The following LIMA1 variants were observed in gnomAD, a reference collection of about 807,000 sequenced individuals.
The protein encoded by LIMA1 is LIM domain and actin-binding protein 1.
A neutral mutation model predicts 62.6 loss-of-function variants in LIMA1; 52 were observed. The ratio of observed to expected loss-of-function variants is 0.83; its 90% CI spans 0.67 to 1.05. LIMA1 has a LOEUF of 1.05. Ranked by LOEUF, LIMA1 falls within the 50% of genes least tolerant of loss-of-function variation. The pLI, the probability that LIMA1 is intolerant of heterozygous loss-of-function variation, is 0.00. For missense variants in LIMA1, 780 were observed against 902.2 expected (o/e 0.86, Z 1.74); for synonymous variants, 302 against 317.8 (o/e 0.95, Z 0.53).
At chr12:50,236,862 G>A (rs887993582) in intron 2 of LIMA1, among the ~76,000 whole-genome samples, 1 of 152,142 alleles carries the variant, frequency 6.6e-6, no homozygotes, top group Non-Finnish European at 1.5e-5. Context: ...AGGATTGCTT[G>A]AGGTCAGGAG....
chr12:50,229,129 G>T (rs1941572846), intron 3 of LIMA1, among the ~76,000 whole-genome samples: 1 of 152,072 alleles, frequency 6.6e-6, no homozygotes, highest in South Asian at 2.1e-4. Context: ...ATTATACCTG[G>T]CCTAAATCAT....
chr12:50,241,657 G>A (rs988560954), intron 2 of LIMA1, among the ~76,000 whole-genome samples: 4 of 151,900 alleles, frequency 2.6e-5, no homozygotes, highest in Admixed American at 6.6e-5. Context: ...ATAACAGGGA[G>A]AAAGGCTCTA....
intron 4 of LIMA1, among the ~76,000 whole-genome samples, chr12:50,212,228 A>T (rs1266638145): frequency 6.6e-6 from 1 of 152,210 alleles, no homozygotes; most frequent in Non-Finnish European, 1.5e-5. Flanking sequence ...ATTATCTTTA[A>T]AAGCTGATTC....
intron 4 of LIMA1, among the ~76,000 whole-genome samples, chr12:50,208,796 C>T (rs1198705097): frequency 6.6e-6 from 1 of 151,436 alleles, no homozygotes; most frequent in Admixed American, 6.6e-5. Flanking sequence ...TCCTTTGAGC[C>T]TAGGAGTTCA....
intron 6 of LIMA1, among the ~76,000 whole-genome samples, chr12:50,203,160 C>G (rs796212657): frequency 3.3e-5 from 5 of 151,482 alleles, no homozygotes; most frequent in African/African-American, 9.7e-5. Flanking sequence ...CAGGTGTGTG[C>G]CACTACACCT....
intron 10 of LIMA1, among the ~76,000 whole-genome samples, chr12:50,180,258 C>G (rs1432030784): frequency 8.6e-5 from 13 of 151,648 alleles, no homozygotes; most frequent in Admixed American, 8.5e-4. Context: ...TGACATCATC[C>G]CACTGCACTC....
At chr12:50,249,793 A>G (rs1941903190) in intron 1 of LIMA1, 1 of 152,212 alleles carries the variant, frequency 6.6e-6, no homozygotes, top group Admixed American at 6.5e-5. Flanking sequence ...AAAACTAAAA[A>G]AAAATAATAA....
intron 1 of LIMA1, among the ~76,000 whole-genome samples, chr12:50,253,701 T>C (rs187641511): frequency 6.6e-6 from 1 of 152,294 alleles, no homozygotes; most frequent in East Asian, 1.9e-4. Flanking sequence ...CCCTCCATTG[T>C]AGTAACTGGC....
intron 1 of LIMA1, among the ~76,000 whole-genome samples, chr12:50,256,050 C>T (rs763088049): frequency 4.0e-5 from 6 of 151,888 alleles, no homozygotes; most frequent in East Asian, 1.9e-4. Context: ...CCACCACACT[C>T]GGCTAATTTT....
chr12:50,244,461 A>G (rs1941820587), intron 2 of LIMA1, among the ~76,000 whole-genome samples: 1 of 149,928 alleles, frequency 6.7e-6, no homozygotes, highest in Non-Finnish European at 1.5e-5. Flanking sequence ...CTTGTCTTGA[A>G]CTCCTGACCT....
In LIMA1 at chr12:50,222,319, T is replaced by TG; in HGVS notation, c.331dup (p.His111ProfsTer9). ...GTCAGCTTTGGCTCCAGAAGCAGCGTGGCTTGTCACTTCAGCAGGAGGATG... is the reference window on the plus strand; with the variant it reads ...GTCAGCTTTGGCTCCAGAAGCAGCGTGGGCTTGTCACTTCAGCAGGAGGATG... On this transcript the variant is annotated frameshift_variant, in exon 4 of 11. Transcript: ENST00000341247. LOFTEE classifies it high-confidence loss of function. 6.2e-7 allele frequency: 1 copy of TG among 1,614,154 alleles called. No homozygotes were observed. The highest frequency in any genetic ancestry group is 8.5e-7 in the Non-Finnish European group (1 of 1,180,028).
intron 2 of LIMA1, among the ~76,000 whole-genome samples, chr12:50,233,515 A>G (rs774993030): frequency 2.0e-5 from 3 of 152,126 alleles, no homozygotes; most frequent in Non-Finnish European, 2.9e-5. Flanking sequence ...AAAGTATTTG[A>G]TGGTACTACA....
At chr12:50,271,488 A>G (rs1942211542) in intron 1 of LIMA1, among the ~76,000 whole-genome samples, 2 of 152,154 alleles carry the variant, frequency 1.3e-5, no homozygotes, top group African/African-American at 4.8e-5. Flanking sequence ...CTAAGGGCAA[A>G]CATAATCCAA....
chr12:50,223,029 A>G (rs1186541492), intron 3 of LIMA1, among the ~76,000 whole-genome samples: 1 of 152,238 alleles, frequency 6.6e-6, no homozygotes, highest in African/African-American at 2.4e-5. Flanking sequence ...AACAATTTGT[A>G]GAACCCTGGA....
At position 50,196,244 on chromosome 12, in the gene LIMA1, G is replaced by A. The variant is rs114533806; in HGVS notation, c.973-357C>T. On this transcript the variant is annotated intron_variant, in intron 7 of 10. Coordinates refer to ENST00000341247, the MANE Select transcript of LIMA1 (RefSeq NM_016357.5). The stretch of plus-strand genomic sequence containing the variant: ...ATCAAGGAGAGCAAAGCTCCTCACC[G>A]TATAACCATAACCCACTCCAAGGAA... 7.4e-3 allele frequency among the ~76,000 whole-genome samples: 1,131 copies of A among 152,228 alleles called. 14 individuals carry two copies. Among genetic ancestry groups the A allele is most frequent in the African/African-American group, 0.026 (1,067 of 41,536 alleles).
intron 3 of LIMA1, among the ~76,000 whole-genome samples, chr12:50,225,264 TA>T (rs922319804): frequency 1.3e-5 from 2 of 152,102 alleles, no homozygotes; most frequent in African/African-American, 4.8e-5. Flanking sequence ...TTTTCTCAAT[TA>T]AAAAAGTAAT....
intron 1 of LIMA1, among the ~76,000 whole-genome samples, chr12:50,262,432 A>G (rs1298514607): frequency 2.0e-5 from 3 of 152,038 alleles, no homozygotes; most frequent in Non-Finnish European, 2.9e-5. Flanking sequence ...ACGTTGAAGC[A>G]ACTCTAGTGT....
intron 9 of LIMA1, chr12:50,189,133 C>T (rs1205301729): frequency 6.6e-6 from 1 of 152,276 alleles, no homozygotes; most frequent in Non-Finnish European, 1.5e-5. Context: ...TCTTCCTGGA[C>T]TTGCTTTCTC....
chr12:50,252,149 G>T (rs985288069), intron 1 of LIMA1, among the ~76,000 whole-genome samples: 1 of 152,138 alleles, frequency 6.6e-6, no homozygotes, highest in African/African-American at 2.4e-5. Context: ...GAGAGGGAAA[G>T]GAAAAGATAT....
Sources: gnomAD v4.1 joint callset for allele counts (sites outside exome capture counted in the v4.1 genomes callset) on GRCh38, gnomAD v4.1.1 for gene constraint, MANE v1.5 for transcripts, NCBI Gene and HGNC (gene_info 2026-07-23, HGNC 2026-07-21) for gene names.